Variants in LGSN observed in about 807,000 individuals in gnomAD.
LGSN encodes the protein lengsin, lens protein with glutamine synthetase domain.
In LGSN, 21 loss-of-function variants were observed where a neutral mutation model predicts 19.5. The observed-to-expected ratio is 1.07, with a 90% confidence interval of 0.76 to 1.55. The LOEUF is 1.55. Among genes scored for constraint, LGSN ranks in the 40% most tolerant of loss-of-function variants. The pLI, the probability that LGSN is intolerant of heterozygous loss-of-function variation, is 0.00. For synonymous variants in LGSN, 257 were observed against 215.6 expected (o/e 1.19, Z -1.68); for missense variants, 673 against 608.5 (o/e 1.11, Z -1.12).
the LGSN span, among the ~76,000 whole-genome samples, chr6:63,529,552 CT>C: frequency 6.6e-6 from 1 of 152,070 alleles, no homozygotes; most frequent in Non-Finnish European, 1.5e-5. Flanking sequence ...GCTTTTAATT[CT>C]CACCCCTTTC....
At chr6:63,416,232 TA>T in the LGSN span, among the ~76,000 whole-genome samples, 11 of 151,698 alleles carry the variant, frequency 7.3e-5, no homozygotes, top group East Asian at 2.1e-3. Flanking sequence ...CAAATGCTCC[TA>T]AGACAAAGAA....
chr6:63,430,234 A>C, the LGSN span, among the ~76,000 whole-genome samples: 3 of 151,860 alleles, frequency 2.0e-5, no homozygotes, highest in African/African-American at 2.4e-5. Context: ...TCTTCTAGAC[A>C]CCCTTCTCCA....
the LGSN span, among the ~76,000 whole-genome samples, chr6:63,333,381 T>C: frequency 6.1e-3 from 901 of 148,674 alleles, 7 homozygotes; most frequent in African/African-American, 0.021. Context: ...CCCTAAGTTA[T>C]TCTACAATGC....
chr6:63,372,281 C>A, the LGSN span, among the ~76,000 whole-genome samples: 1 of 152,168 alleles, frequency 6.6e-6, no homozygotes, highest in Admixed American at 6.5e-5. Flanking sequence ...AAAACTAATA[C>A]CCCATGAAGT....
At chr6:63,432,976 T>A in the LGSN span, among the ~76,000 whole-genome samples, 1 of 152,182 alleles carries the variant, frequency 6.6e-6, no homozygotes, top group Admixed American at 6.5e-5. Flanking sequence ...TACCCTTCTA[T>A]TCCAAAGAGA....
intron 1 of LGSN, among the ~76,000 whole-genome samples, chr6:63,312,318 T>C (rs1045060951): frequency 6.6e-6 from 1 of 152,208 alleles, no homozygotes; most frequent in African/African-American, 2.4e-5. Flanking sequence ...ATATATCCAG[T>C]AGTGGATTGC....
chr6:63,555,442 T>A, the LGSN span, among the ~76,000 whole-genome samples: 2 of 152,238 alleles, frequency 1.3e-5, no homozygotes, highest in Non-Finnish European at 2.9e-5. Flanking sequence ...CTTTCTCCAG[T>A]GTCTTCAGTT....
chr6:63,296,705 T>A (rs1368982891), intron 1 of LGSN, among the ~76,000 whole-genome samples: 1 of 152,084 alleles, frequency 6.6e-6, no homozygotes, highest in African/African-American at 2.4e-5. Context: ...AACCTGCAAC[T>A]GAATAAACAA....
the LGSN span, among the ~76,000 whole-genome samples, chr6:63,457,518 T>C: frequency 6.7e-6 from 1 of 150,254 alleles, no homozygotes; most frequent in Non-Finnish European, 1.5e-5. Context: ...AAATAATAAA[T>C]TAAATTAAAA....
At chr6:63,485,094 C>T in the LGSN span, among the ~76,000 whole-genome samples, 1 of 151,386 alleles carries the variant, frequency 6.6e-6, no homozygotes, top group Non-Finnish European at 1.5e-5. Context: ...CATAGGTAAA[C>T]TTGTATCATG....
At chr6:63,555,102 C>G in the LGSN span, among the ~76,000 whole-genome samples, 1 of 152,144 alleles carries the variant, frequency 6.6e-6, no homozygotes, top group East Asian at 1.9e-4. Context: ...TCTTTCCACT[C>G]CCAAAACAAT....
the LGSN span, among the ~76,000 whole-genome samples, chr6:63,434,810 T>C: frequency 2.6e-5 from 4 of 151,828 alleles, no homozygotes; most frequent in African/African-American, 7.3e-5. Flanking sequence ...TTTGGGAAAG[T>C]TTATAGAAGT....
the LGSN span, among the ~76,000 whole-genome samples, chr6:63,535,454 C>A: frequency 6.6e-6 from 1 of 151,816 alleles, no homozygotes; most frequent in Non-Finnish European, 1.5e-5. Flanking sequence ...GGCAACAGAG[C>A]GAGACTCTGT....
chr6:63,474,941 C>T, the LGSN span, among the ~76,000 whole-genome samples: 2 of 150,980 alleles, frequency 1.3e-5, no homozygotes, highest in African/African-American at 2.4e-5. Context: ...GACTTCCCCA[C>T]AGATTTTGTG....
chr6:63,501,765 T>C, the LGSN span, among the ~76,000 whole-genome samples: 1 of 152,204 alleles, frequency 6.6e-6, no homozygotes, highest in East Asian at 1.9e-4. Flanking sequence ...GGGCTATATG[T>C]AGAATTAGAT....
chr6:63,359,962 A>G, the LGSN span, among the ~76,000 whole-genome samples: 1 of 152,008 alleles, frequency 6.6e-6, no homozygotes, highest in East Asian at 1.9e-4. Context: ...GTTGAAAATT[A>G]TTTTCTTTAA....
the LGSN span, among the ~76,000 whole-genome samples, chr6:63,327,795 TTC>T: frequency 2.0e-5 from 3 of 151,128 alleles, no homozygotes; most frequent in Admixed American, 6.6e-5. Context: ...CTCTGTCTCT[TTC>T]TCTTTCTCTT....
the LGSN span, among the ~76,000 whole-genome samples, chr6:63,531,369 T>C: frequency 6.7e-6 from 1 of 148,952 alleles, no homozygotes; most frequent in African/African-American, 2.5e-5. Flanking sequence ...CAATAAAAAA[T>C]TTATTCCAAA....
the LGSN span, among the ~76,000 whole-genome samples, chr6:63,409,937 G>C: frequency 5.3e-5 from 8 of 152,114 alleles, no homozygotes; most frequent in Admixed American, 3.3e-4. Flanking sequence ...TCGGGAGGCT[G>C]AGGCAGGAAG....
Sources: allele counts gnomAD v4.1 joint callset (sites outside exome capture counted in the v4.1 genomes callset), GRCh38; gene constraint gnomAD v4.1.1; transcripts MANE v1.5; gene names NCBI Gene and HGNC (gene_info 2026-07-23, HGNC 2026-07-21).